The following FBXL17 variants were observed in gnomAD, a reference collection of about 807,000 sequenced individuals.
FBXL17 encodes F-box/LRR-repeat protein 17.
FBXL17 carries 22 observed loss-of-function variants against 66.2 expected under a neutral mutation model. The ratio of observed to expected loss-of-function variants is 0.33; its 90% CI spans 0.24 to 0.47. The LOEUF (loss-of-function observed/expected upper bound fraction) is 0.47, where lower values mean the gene tolerates loss of function less well. Ranked by LOEUF, FBXL17 falls within the 20% of genes least tolerant of loss-of-function variation. The pLI, the probability that FBXL17 is intolerant of heterozygous loss-of-function variation, is 1.00. For synonymous variants in FBXL17, 474 were observed against 400.5 expected (o/e 1.18, Z -2.19); for missense variants, 878 against 948.2 (o/e 0.93, Z 0.97).
At chr5:107,973,843 TA>T (rs34972473) in intron 7 of FBXL17, among the ~76,000 whole-genome samples, 36,091 of 139,118 alleles carry the variant, frequency 0.26, 4,378 homozygotes, top group Middle Eastern at 0.34. Context: ...GGGGGTAATC[TA>T]AAAAAAAAAA....
intron 4 of FBXL17, among the ~76,000 whole-genome samples, chr5:108,231,803 G>T (rs1755354087): frequency 6.6e-6 from 1 of 152,164 alleles, no homozygotes; most frequent in South Asian, 2.1e-4. Flanking sequence ...GAACACAGGA[G>T]ATCCATACAG....
At chr5:107,960,429 C>T (rs1219055254) in intron 7 of FBXL17, among the ~76,000 whole-genome samples, 4 of 152,136 alleles carry the variant, frequency 2.6e-5, no homozygotes, top group Admixed American at 1.3e-4. Flanking sequence ...CTAACTGGAA[C>T]TTGTATCTTT....
At chr5:108,282,301 T>C (rs1019391194) in intron 4 of FBXL17, among the ~76,000 whole-genome samples, 2 of 151,516 alleles carry the variant, frequency 1.3e-5, no homozygotes, top group Non-Finnish European at 3.0e-5. Flanking sequence ...CAACTGAACA[T>C]CCAAAAAATA....
chr5:108,004,839 T>A (rs904559796), intron 7 of FBXL17, among the ~76,000 whole-genome samples: 4 of 152,178 alleles, frequency 2.6e-5, no homozygotes, highest in African/African-American at 9.7e-5. Context: ...ACAGAATTCG[T>A]AGCGTATTAT....
intron 3 of FBXL17, among the ~76,000 whole-genome samples, chr5:108,363,687 C>T (rs986476923): frequency 2.0e-5 from 3 of 151,858 alleles, no homozygotes; most frequent in Non-Finnish European, 2.9e-5. Context: ...TTCTTTTTCA[C>T]AAAAATTACT....
chr5:108,076,753 GA>G (rs1274626123), intron 6 of FBXL17, among the ~76,000 whole-genome samples: 1 of 152,158 alleles, frequency 6.6e-6, no homozygotes, highest in Non-Finnish European at 1.5e-5. Flanking sequence ...GAGAGACTGA[GA>G]GTCTGACACC....
chr5:108,076,438 T>C (rs1360041511), intron 6 of FBXL17, among the ~76,000 whole-genome samples: 1 of 152,178 alleles, frequency 6.6e-6, no homozygotes, highest in Non-Finnish European at 1.5e-5. Context: ...AGAGTTAACA[T>C]TATAATAAGT....
At chr5:107,922,599 A>C (rs543269896) in intron 7 of FBXL17, among the ~76,000 whole-genome samples, 1 of 152,294 alleles carries the variant, frequency 6.6e-6, no homozygotes, top group East Asian at 1.9e-4. Flanking sequence ...TGTTTTTTAA[A>C]CCAACATCTT....
Position 108,158,509 on chromosome 5 carries a change from C to G in FBXL17, c.1745+27608G>C, listed in dbSNP as rs201021002. 4.7e-5 allele frequency among the ~76,000 whole-genome samples: 7 copies of G among 149,284 alleles called. No individual in the cohort carries two copies. In the East Asian group the frequency reaches 7.9e-4, roughly 17 times the overall value. ...GACAGTGGGGCGTGTGTGTGTGTGTCTGTGTGTGTGTGTGTGTGTGTGTGC... is the reference window on the plus strand; with the variant it reads ...GACAGTGGGGCGTGTGTGTGTGTGTGTGTGTGTGTGTGTGTGTGTGTGTGC... On this transcript the variant is annotated intron_variant, in intron 6 of 8. Transcript: ENST00000542267.
At chr5:108,036,240 T>C (rs180719991) in intron 6 of FBXL17, among the ~76,000 whole-genome samples, 141 of 152,308 alleles carry the variant, frequency 9.3e-4, no homozygotes, top group Admixed American at 1.5e-3. Context: ...CTTCATAACT[T>C]TGTCTGTGGG....
chr5:108,369,489 G>A (rs1748890637), intron 1 of FBXL17, among the ~76,000 whole-genome samples: 2 of 152,244 alleles, frequency 1.3e-5, no homozygotes, highest in South Asian at 4.1e-4. Context: ...ATATTTTACA[G>A]AGTTTGACTG....
chr5:107,941,702 ACT>A (rs1207324933), intron 7 of FBXL17, among the ~76,000 whole-genome samples: 3 of 152,046 alleles, frequency 2.0e-5, no homozygotes, highest in African/African-American at 7.2e-5. Context: ...AGAAAGAGAA[ACT>A]CTTCACTGTC....
rs538142504 is a variant in FBXL17 at position 108,369,134 on chromosome 5, A to G, written c.994-1181T>C. 2.6e-5 allele frequency among the ~76,000 whole-genome samples: 4 copies of G among 152,296 alleles called. No homozygotes were observed. In the East Asian group the frequency reaches 7.7e-4, roughly 29 times the overall value. ...TGCATATCTGATTGCTTCCTCTGCCATATTGTTTATGTAAAAATGCAGGTT... is the reference window on the plus strand; with the variant it reads ...TGCATATCTGATTGCTTCCTCTGCCGTATTGTTTATGTAAAAATGCAGGTT... On this transcript the variant is annotated intron_variant, in intron 1 of 8. Coordinates refer to ENST00000542267, the MANE Select transcript of FBXL17 (RefSeq NM_001163315.3).
chr5:107,955,559 G>A (rs1041575465), intron 7 of FBXL17, among the ~76,000 whole-genome samples: 8 of 152,146 alleles, frequency 5.3e-5, no homozygotes, highest in African/African-American at 1.4e-4. Context: ...GGTCGCAATC[G>A]ATCTGAAGCA....
intron 7 of FBXL17, among the ~76,000 whole-genome samples, chr5:107,992,993 T>A (rs1021445570): frequency 1.3e-5 from 2 of 152,090 alleles, no homozygotes; most frequent in African/African-American, 2.4e-5. Context: ...CCTCCCAGGT[T>A]CACGCCATTC....
rs553726735 is a variant in FBXL17 at position 107,861,613 on chromosome 5, A to G, written c.*107T>C. 9.3e-7 allele frequency: 1 copy of G among 1,078,348 alleles called. No individual in the cohort carries two copies. Among genetic ancestry groups the G allele is most frequent in the Non-Finnish European group, 1.2e-6 (1 of 811,184 alleles). 66.8% of individuals were successfully genotyped at this position (1,078,348 alleles called of 1,614,324 possible). On this transcript the variant is annotated 3_prime_UTR_variant, in exon 9 of 9. Transcript: ENST00000542267. ...GACACAAATACACATACTTGAACAC[A>G]CACAGACAGGTGACAGTTAAAACCC...
In FBXL17 at chr5:108,380,857, C is replaced by G; in HGVS notation, c.835G>C (p.Val279Leu). ...AAGGGGGCGGTGCCCCCGGCTCGGA[C>G]AGCGTCCCCGCCAGCTTCGGTGGGG... ...GAPTEAGGDAVRAGGTAPLSA... is the reference protein window; with the variant it reads ...GAPTEAGGDALRAGGTAPLSA... Residue 279 changes from valine (V) to leucine (L), a missense_variant, in exon 1 of 9, where the codon GTC (valine) becomes CTC (leucine). Coordinates refer to ENST00000542267, the MANE Select transcript of FBXL17 (RefSeq NM_001163315.3). 8.0e-7 allele frequency: 1 copy of G among 1,245,870 alleles called. No homozygotes were observed. Among genetic ancestry groups the G allele is most frequent in the Non-Finnish European group, 1.0e-6 (1 of 988,090 alleles). 77.2% of individuals were successfully genotyped at this position (1,245,870 alleles called of 1,614,324 possible).
intron 1 of FBXL17, 75 bp from the exon 2 acceptor site, chr5:108,368,028 G>C: frequency 7.3e-7 from 1 of 1,378,930 alleles, no homozygotes; most frequent in East Asian, 2.6e-5. Flanking sequence ...TTATTAGTTA[G>C]AAAAAGTTAA....
intron 4 of FBXL17, among the ~76,000 whole-genome samples, chr5:108,226,104 T>G (rs914887801): frequency 6.6e-6 from 1 of 152,186 alleles, no homozygotes; most frequent in Admixed American, 6.6e-5. Flanking sequence ...TTCATAACAC[T>G]TATCACTACT....
Sources: gnomAD v4.1 joint callset for allele counts (sites outside exome capture counted in the v4.1 genomes callset) on GRCh38, gnomAD v4.1.1 for gene constraint, MANE v1.5 for transcripts, NCBI Gene and HGNC (gene_info 2026-07-23, HGNC 2026-07-21) for gene names.